SCHIP1: variants seen among roughly 807,000 people sequenced by gnomAD.
The protein encoded by SCHIP1 is schwannomin interacting protein 1, also known as schwannomin-interacting protein 1.
A neutral mutation model predicts 29.7 loss-of-function variants in SCHIP1; 8 were observed. The observed-to-expected ratio is 0.27, with a 90% CI of 0.16 to 0.49. The LOEUF is 0.49. Among genes scored for constraint, SCHIP1 ranks in the 20% least tolerant of loss-of-function variants. The pLI, the probability that SCHIP1 is intolerant of heterozygous loss-of-function variation, is 0.99. For missense variants in SCHIP1, 193 were observed against 294.6 expected, an observed-to-expected ratio of 0.66 and a Z score of 2.52; for synonymous variants, 76 against 94.9, an observed-to-expected ratio of 0.80 and a Z score of 1.16.
At chr3:159,665,918 C>T in the SCHIP1 span, among the ~76,000 whole-genome samples, 2 of 152,180 alleles carry the variant, frequency 1.3e-5, no homozygotes, top group African/African-American at 4.8e-5. Flanking sequence ...TCAGGTTAGG[C>T]GTCTCCTTGG....
the SCHIP1 span, among the ~76,000 whole-genome samples, chr3:159,412,191 G>C: frequency 2.6e-4 from 39 of 152,248 alleles, no homozygotes; most frequent in African/African-American, 9.1e-4. Flanking sequence ...CCAATAACTA[G>C]TGAAACAAGA....
the SCHIP1 span, among the ~76,000 whole-genome samples, chr3:159,482,325 C>T: frequency 6.6e-6 from 1 of 152,138 alleles, no homozygotes; most frequent in Non-Finnish European, 1.5e-5. Context: ...TCAAGAAGGA[C>T]GTATGAATAC....
At chr3:159,497,717 G>A in the SCHIP1 span, among the ~76,000 whole-genome samples, 1 of 151,802 alleles carries the variant, frequency 6.6e-6, no homozygotes. Flanking sequence ...GAGGGAGTGA[G>A]GGAAGAAGGA....
chr3:159,705,927 G>C, the SCHIP1 span, among the ~76,000 whole-genome samples: 3 of 151,976 alleles, frequency 2.0e-5, no homozygotes, highest in Non-Finnish European at 2.9e-5. Context: ...GGCTGGTCTC[G>C]GAGTCCTGAC....
At chr3:159,371,983 G>T in the SCHIP1 span, among the ~76,000 whole-genome samples, 3 of 151,922 alleles carry the variant, frequency 2.0e-5, no homozygotes, top group East Asian at 5.8e-4. Context: ...TTTCCCAATG[G>T]CATCATCTCA....
the SCHIP1 span, among the ~76,000 whole-genome samples, chr3:159,368,375 T>C: frequency 8.8e-3 from 1,343 of 152,312 alleles, 18 homozygotes; most frequent in African/African-American, 0.031. Context: ...TATTCTCTTA[T>C]TTCACACATC....
At chr3:159,332,914 G>A in the SCHIP1 span, among the ~76,000 whole-genome samples, 1 of 152,210 alleles carries the variant, frequency 6.6e-6, no homozygotes, top group Non-Finnish European at 1.5e-5. Flanking sequence ...TATGTATCCA[G>A]TTCTCCTGGA....
At chr3:159,651,859 G>T in the SCHIP1 span, among the ~76,000 whole-genome samples, 3 of 152,164 alleles carry the variant, frequency 2.0e-5, no homozygotes, top group Non-Finnish European at 4.4e-5. Context: ...CACTTTGGGA[G>T]GCTGAGGTAG....
the SCHIP1 span, among the ~76,000 whole-genome samples, chr3:159,309,830 A>G: frequency 1.3e-5 from 2 of 152,178 alleles, no homozygotes; most frequent in African/African-American, 2.4e-5. Context: ...TATTCAAATC[A>G]CATTTTTACT....
chr3:159,743,334 G>C, the SCHIP1 span, among the ~76,000 whole-genome samples: 2 of 152,186 alleles, frequency 1.3e-5, no homozygotes, highest in African/African-American at 2.4e-5. Context: ...CCATGTTCTT[G>C]AGTGGGTGAA....
the SCHIP1 span, among the ~76,000 whole-genome samples, chr3:159,468,202 C>G: frequency 6.6e-6 from 1 of 151,938 alleles, no homozygotes; most frequent in Non-Finnish European, 1.5e-5. Flanking sequence ...ATTTTTGAAC[C>G]TTGTAATTTC....
chr3:159,467,158 A>G, the SCHIP1 span, among the ~76,000 whole-genome samples: 8 of 152,196 alleles, frequency 5.3e-5, no homozygotes, highest in African/African-American at 1.7e-4. Flanking sequence ...TCTTCCCTCA[A>G]AAATATGCAA....
chr3:159,419,812 GAA>G, the SCHIP1 span, among the ~76,000 whole-genome samples: 1 of 151,346 alleles, frequency 6.6e-6, no homozygotes, highest in East Asian at 1.9e-4. Flanking sequence ...TCCATCTTAA[GAA>G]AAAAAAATTA....
chr3:159,415,001 G>A, the SCHIP1 span, among the ~76,000 whole-genome samples: 4 of 152,054 alleles, frequency 2.6e-5, no homozygotes, highest in South Asian at 2.1e-4. Context: ...CCCAGGGGTC[G>A]CAGACTGCCT....
chr3:159,559,183 C>A, the SCHIP1 span, among the ~76,000 whole-genome samples: 1 of 152,130 alleles, frequency 6.6e-6, no homozygotes, highest in Middle Eastern at 3.2e-3. Flanking sequence ...GAAGTGACTT[C>A]TCAAGAGTTA....
the SCHIP1 span, among the ~76,000 whole-genome samples, chr3:159,816,859 CTA>C: frequency 0.045 from 6,846 of 152,266 alleles, 207 homozygotes; most frequent in Non-Finnish European, 0.065. Flanking sequence ...TTTGTCCACT[CTA>C]TCTCTTTCTT....
the SCHIP1 span, among the ~76,000 whole-genome samples, chr3:159,279,963 C>T: frequency 6.6e-6 from 1 of 152,102 alleles, no homozygotes; most frequent in African/African-American, 2.4e-5. Flanking sequence ...ATCCAAAGTC[C>T]TGAACTGGGC....
At chr3:159,334,835 G>T in the SCHIP1 span, among the ~76,000 whole-genome samples, 1 of 151,812 alleles carries the variant, frequency 6.6e-6, no homozygotes, top group African/African-American at 2.4e-5. Context: ...TTTAACTACA[G>T]ATATAGACAT....
the SCHIP1 span, among the ~76,000 whole-genome samples, chr3:159,434,050 A>C: frequency 2.0e-5 from 3 of 152,182 alleles, no homozygotes; most frequent in Admixed American, 2.0e-4. Context: ...GGTAGAGTGC[A>C]TGTCTTATTT....
Sources: allele counts gnomAD v4.1 joint callset (sites outside exome capture counted in the v4.1 genomes callset), GRCh38; gene constraint gnomAD v4.1.1; transcripts MANE v1.5; gene names NCBI Gene and HGNC (gene_info 2026-07-23, HGNC 2026-07-21).